The following FBN1 variants were observed in gnomAD, a reference collection of about 807,000 sequenced individuals.
The protein encoded by FBN1 is fibrillin-1.
A neutral mutation model predicts 365.1 loss-of-function variants in FBN1; 29 were observed. The ratio of observed to expected loss-of-function variants is 0.08; its 90% CI spans 0.06 to 0.11. FBN1 has a LOEUF of 0.11. FBN1 is among the 10% of genes least tolerant of loss of function. The pLI is 1.00. For synonymous variants in FBN1, 1,210 were observed against 1,270.5 expected (o/e 0.95, Z 1.01); for missense variants, 2,476 against 3,703.2 (o/e 0.67, Z 8.60).
Position 48,409,703 on chromosome 15 carries a change from CTG to C in FBN1, c.*1285_*1286del, listed in dbSNP as rs776894114. 3 of 152,002 alleles carry C rather than the reference CTG, an allele frequency of 2.0e-5. No homozygotes were observed. Among genetic ancestry groups the C allele is most frequent in the Non-Finnish European group, 2.9e-5 (2 of 68,008 alleles). 9.4% of individuals were successfully genotyped at this position (152,002 alleles called of 1,614,324 possible). On this transcript the variant is annotated 3_prime_UTR_variant, in exon 66 of 66. Transcript: ENST00000316623. ...ACAGAACACCTAAGGCTTGCCAAAA[CTG>C]TGTATATTTGAGAGGGGGGCATGAT...
intron 58 of FBN1, among the ~76,000 whole-genome samples, chr15:48,426,893 A>C (rs971185612): frequency 1.3e-5 from 2 of 152,106 alleles, no homozygotes; most frequent in African/African-American, 4.8e-5. Flanking sequence ...TTTCCAATAC[A>C]AACACAAATC....
At chr15:48,484,027 A>G (rs2043486458) in intron 30 of FBN1, 84 bp from the exon 31 acceptor site, 11 of 1,408,038 alleles carry the variant, frequency 7.8e-6, no homozygotes, top group Non-Finnish European at 1.1e-5. Context: ...CCGCAGTCAA[A>G]TAAACTTAGC....
At chr15:48,481,582 T>A in intron 32 of FBN1, 73 bp downstream of exon 32, 1 of 1,443,226 alleles carries the variant, frequency 6.9e-7, no homozygotes, top group Non-Finnish European at 9.6e-7. Context: ...TTTTAAAACA[T>A]GTATCAATCT....
At chr15:48,608,852 G>A (rs2044634090) in intron 4 of FBN1, among the ~76,000 whole-genome samples, 1 of 152,164 alleles carries the variant, frequency 6.6e-6, no homozygotes, top group African/African-American at 2.4e-5. Flanking sequence ...CTCTGGTCTT[G>A]TTAACATCCT....
chr15:48,623,993 A>ACACACACG (rs1889821626), intron 2 of FBN1, among the ~76,000 whole-genome samples: 1 of 151,350 alleles, frequency 6.6e-6, no homozygotes, highest in South Asian at 2.1e-4. Flanking sequence ...ACACACACAC[A>ACACACACG]CACGCACAGC....
chr15:48,510,200 C>A, intron 13 of FBN1, 31 bp from the exon 14 acceptor site: 8 of 1,609,232 alleles, frequency 5.0e-6, no homozygotes, highest in South Asian at 2.2e-5. Context: ...GAAGAAATAG[C>A]TTTATTTAGG....
rs1221577954 is a variant in FBN1 at position 48,487,527 on chromosome 15, A to T, written c.3338-90T>A. ...CTCCCCCACCCATTGCTGGGTGTCC[A>T]TCTTGACCTCCTTGTCTCAAGGTGG... On this transcript the variant is annotated intron_variant, in intron 27 of 65. Transcript: ENST00000316623. 5.2e-6 allele frequency: 8 copies of T among 1,539,984 alleles called. No homozygotes were observed. The East Asian group carries it at 1.8e-4, about 35-fold the overall frequency.
chr15:48,560,555 C>T (rs141552891), intron 6 of FBN1, among the ~76,000 whole-genome samples: 1 of 152,206 alleles, frequency 6.6e-6, no homozygotes, highest in East Asian at 1.9e-4. Context: ...AGAGTTTGTG[C>T]TATGTGATAT....
At chr15:48,628,829 C>T (rs534146930) in intron 2 of FBN1, among the ~76,000 whole-genome samples, 3 of 152,054 alleles carry the variant, frequency 2.0e-5, no homozygotes, top group Admixed American at 6.5e-5. Flanking sequence ...TCAATGAATG[C>T]TAATAACACA....
At position 48,527,530 on chromosome 15, in the gene FBN1, G is replaced by A. The variant is rs79031242; in HGVS notation, c.863-1275C>T. On this transcript the variant is annotated intron_variant, in intron 8 of 65. Coordinates refer to ENST00000316623, the MANE Select transcript of FBN1 (RefSeq NM_000138.5). ...GTATTACAATGGCCAGGCTGACACC[G>A]TTAAAACTGGGAAAGGCTTACAACC... Among the ~76,000 whole-genome samples, 49 of 152,302 alleles carry A rather than the reference G, an allele frequency of 3.2e-4. 2 individuals are homozygous for A. The East Asian group carries it at 8.9e-3, about 28-fold the overall frequency.
At position 48,500,688 on chromosome 15, in the gene FBN1, C is replaced by T. The variant is rs549187871; in HGVS notation, c.2114-1650G>A. Among the ~76,000 whole-genome samples the T allele has an allele frequency of 3.9e-5, 6 of 152,278 alleles. No homozygotes were observed. In the South Asian group the frequency reaches 1.0e-3, roughly 26 times the overall value. ...TGAGGGATCCATGAGAAAATCCCCCCGAATTACCCTCCTGTGGGTTTAACT... is the reference window on the plus strand; with the variant it reads ...TGAGGGATCCATGAGAAAATCCCCCTGAATTACCCTCCTGTGGGTTTAACT... On this transcript the variant is annotated intron_variant, in intron 17 of 65. Transcript: ENST00000316623.
Position 48,534,284 on chromosome 15 carries a change from C to T in FBN1, c.737-79G>A, listed in dbSNP as rs139738750. 1.0e-4 allele frequency: 143 copies of T among 1,435,538 alleles called. No homozygotes were observed. The African/African-American group carries it at 1.7e-3, about 17-fold the overall frequency. The allele number at this position is 1,435,538 out of a possible 1,614,324, so 88.9% of individuals were successfully genotyped here. On this transcript the variant is annotated intron_variant, in intron 7 of 65. Transcript: ENST00000316623. ...TGCAGAATAAAATGTGATAATTTGT[C>T]CACAATTATGTTACCATATTTATAT...
intron 2 of FBN1, among the ~76,000 whole-genome samples, chr15:48,619,625 G>GT (rs1223516928): frequency 2.0e-5 from 3 of 151,986 alleles, no homozygotes; most frequent in African/African-American, 7.3e-5. Context: ...TGTGTAGCCA[G>GT]TAAGTTCACT....
At chr15:48,423,138 T>G (rs1262821802) in intron 60 of FBN1, among the ~76,000 whole-genome samples, 1 of 152,216 alleles carries the variant, frequency 6.6e-6, no homozygotes, top group Non-Finnish European at 1.5e-5. Context: ...AAATGTTGTG[T>G]TCTAGCTTCT....
At chr15:48,551,821 T>C (rs1235434001) in intron 6 of FBN1, among the ~76,000 whole-genome samples, 1 of 152,198 alleles carries the variant, frequency 6.6e-6, no homozygotes, top group Non-Finnish European at 1.5e-5. Flanking sequence ...CCTCTAGCTC[T>C]ATCCATGTCC....
intron 32 of FBN1, among the ~76,000 whole-genome samples, chr15:48,475,564 C>G (rs1039955639): frequency 2.0e-5 from 3 of 152,154 alleles, no homozygotes; most frequent in African/African-American, 4.8e-5. Context: ...AGAACAAGAA[C>G]TCATAAATAT....
In FBN1 at chr15:48,433,107, T is replaced by C. The variant is rs1315228249; in HGVS notation, c.6617-119A>G. On this transcript the variant is annotated intron_variant, in intron 54 of 65. Coordinates refer to ENST00000316623, the MANE Select transcript of FBN1 (RefSeq NM_000138.5). ...TTGCAATGCTTCATTGTCATAAACA[T>C]GGATGGATCAAGTGGTCTCCCATTT... 3.8e-6 allele frequency: 4 copies of C among 1,051,850 alleles called. No homozygotes were observed. The South Asian group carries it at 3.9e-5, about 10-fold the overall frequency. 65.2% of individuals were successfully genotyped at this position (1,051,850 alleles called of 1,614,324 possible). A position where few individuals can be genotyped will look rare whatever the true frequency, so the allele number is the denominator to read the frequency against.
intron 2 of FBN1, among the ~76,000 whole-genome samples, chr15:48,625,161 A>G (rs1004297530): frequency 2.0e-5 from 3 of 152,250 alleles, no homozygotes; most frequent in South Asian, 2.1e-4. Context: ...TTTCATTTCT[A>G]TATTAGTATT....
intron 6 of FBN1, among the ~76,000 whole-genome samples, chr15:48,555,540 G>GTGTA (rs1360507468): frequency 6.6e-6 from 1 of 152,042 alleles, no homozygotes; most frequent in South Asian, 2.1e-4. Flanking sequence ...AGCTCCTATG[G>GTGTA]TGTATTGCTG....
Sources: allele counts gnomAD v4.1 joint callset (sites outside exome capture counted in the v4.1 genomes callset), GRCh38; gene constraint gnomAD v4.1.1; transcripts MANE v1.5; gene names NCBI Gene and HGNC (gene_info 2026-07-23, HGNC 2026-07-21).